RBFOX1: variants seen among roughly 807,000 people sequenced by gnomAD.
The protein encoded by RBFOX1 is RNA binding protein fox-1 homolog 1.
In RBFOX1, 8 loss-of-function variants were observed where a neutral mutation model predicts 57.7. The ratio of observed to expected loss-of-function variants is 0.14; its 90% confidence interval spans 0.08 to 0.25. RBFOX1 has a LOEUF of 0.25. Among genes scored for constraint, RBFOX1 ranks in the 10% least tolerant of loss-of-function variants. The pLI, the probability that RBFOX1 is intolerant of heterozygous loss-of-function variation, is 1.00. For synonymous variants in RBFOX1, 326 were observed against 222.4 expected, an observed-to-expected ratio of 1.47 and a Z score of -4.15; for missense variants, 611 against 548.5, an observed-to-expected ratio of 1.11 and a Z score of -1.14.
intron 1 of RBFOX1, among the ~76,000 whole-genome samples, chr16:6,047,705 A>G (rs1268862137): frequency 1.3e-5 from 2 of 152,220 alleles, no homozygotes; most frequent in African/African-American, 2.4e-5. Context: ...TGATTTAGCT[A>G]CCATGACAGT....
At chr16:7,062,627 G>A (rs1324832657) in intron 4 of RBFOX1, among the ~76,000 whole-genome samples, 1 of 152,190 alleles carries the variant, frequency 6.6e-6, no homozygotes, top group Admixed American at 6.5e-5. Context: ...GCCAACAGAT[G>A]TGGATATGGC....
intron 3 of RBFOX1, among the ~76,000 whole-genome samples, chr16:7,040,617 A>T (rs1269504369): frequency 6.6e-6 from 1 of 151,994 alleles, no homozygotes; most frequent in Non-Finnish European, 1.5e-5. Context: ...TTTTGTCTGA[A>T]GTTTGTTGTT....
Position 6,304,473 on chromosome 16 carries a change from C to T in RBFOX1, c.-126-12522C>T, listed in dbSNP as rs1050502482. Among the ~76,000 whole-genome samples, 5 of 151,980 alleles carry T rather than the reference C, an allele frequency of 3.3e-5. No homozygotes were observed. The East Asian group carries it at 5.8e-4, about 18-fold the overall frequency. ...CTCCAAAGCTACCTGGTATTGCTAACGGAGGAGGAGGACACTTAGAATCTT... is the reference window on the plus strand; with the variant it reads ...CTCCAAAGCTACCTGGTATTGCTAATGGAGGAGGAGGACACTTAGAATCTT... On this transcript the variant is annotated intron_variant, in intron 1 of 15. Transcript: ENST00000550418.
chr16:6,090,749 C>T (rs2096159420), intron 1 of RBFOX1, among the ~76,000 whole-genome samples: 2 of 152,136 alleles, frequency 1.3e-5, no homozygotes, highest in African/African-American at 4.8e-5. Flanking sequence ...TAAACAAATC[C>T]GCTGAATGAC....
intron 1 of RBFOX1, among the ~76,000 whole-genome samples, chr16:6,243,933 C>T (rs937974832): frequency 1.3e-5 from 2 of 152,146 alleles, no homozygotes; most frequent in African/African-American, 4.8e-5. Context: ...GTAAGACACC[C>T]TTCAATGTTT....
intron 3 of RBFOX1, among the ~76,000 whole-genome samples, chr16:6,929,180 C>G (rs1409398824): frequency 1.3e-5 from 2 of 152,126 alleles, no homozygotes; most frequent in African/African-American, 4.8e-5. Flanking sequence ...TCAGAGCAAA[C>G]ACATTCTACT....
At chr16:6,544,612 G>T (rs1046391043) in intron 2 of RBFOX1, among the ~76,000 whole-genome samples, 1 of 152,060 alleles carries the variant, frequency 6.6e-6, no homozygotes, top group Non-Finnish European at 1.5e-5. Context: ...TAACTTCATG[G>T]GTGCATATAA....
chr16:5,566,608 A>T (rs147679108), intron 2 of RBFOX1, among the ~76,000 whole-genome samples: 1 of 151,186 alleles, frequency 6.6e-6, no homozygotes, highest in Non-Finnish European at 1.5e-5. Context: ...ATATATGTGT[A>T]TATATGTATA....
intron 1 of RBFOX1, among the ~76,000 whole-genome samples, chr16:5,358,945 C>T (rs1293951502): frequency 2.0e-5 from 3 of 152,206 alleles, no homozygotes; most frequent in Admixed American, 6.5e-5. Flanking sequence ...TTCCTCCCCA[C>T]CTCTCCCTCC....
chr16:6,597,202 T>C (rs552575422), intron 2 of RBFOX1, among the ~76,000 whole-genome samples: 1 of 152,284 alleles, frequency 6.6e-6, no homozygotes, highest in African/African-American at 2.4e-5. Flanking sequence ...AATCTTCATA[T>C]CTCATCTCCA....
At chr16:5,555,628 T>C (rs775956830) in intron 2 of RBFOX1, among the ~76,000 whole-genome samples, 2 of 152,160 alleles carry the variant, frequency 1.3e-5, no homozygotes, top group Non-Finnish European at 2.9e-5. Flanking sequence ...AAAGTTACCA[T>C]AATCTGGAAC....
At chr16:7,005,200 C>A (rs1307206724) in intron 3 of RBFOX1, among the ~76,000 whole-genome samples, 1 of 144,302 alleles carries the variant, frequency 6.9e-6, no homozygotes, top group Non-Finnish European at 1.5e-5. Context: ...CATATCCTCA[C>A]CTTTTTGTGT....
intron 1 of RBFOX1, among the ~76,000 whole-genome samples, chr16:5,256,499 C>T (rs1406879158): frequency 1.3e-5 from 2 of 152,116 alleles, no homozygotes; most frequent in Non-Finnish European, 2.9e-5. Flanking sequence ...CCCAGGACTG[C>T]TAGGAAGGCA....
intron 5 of RBFOX1, among the ~76,000 whole-genome samples, chr16:7,563,450 T>C (rs1601887977): frequency 6.6e-6 from 1 of 152,176 alleles, no homozygotes; most frequent in African/African-American, 2.4e-5. Context: ...TTATTGCTAT[T>C]GTTATATATA....
rs77503370 is a variant in RBFOX1, at chr16:7,571,392, C to G, written c.271-8385C>G. On this transcript the variant is annotated intron_variant, in intron 5 of 15. Transcript: ENST00000550418. Reference sequence around the variant, plus strand: ...ATGCATTTTCTCTCCAACAGTCATCCCTGGATTGGTCGATATCAAAATCCA... The same window carrying G: ...ATGCATTTTCTCTCCAACAGTCATCGCTGGATTGGTCGATATCAAAATCCA... Among the ~76,000 whole-genome samples, 658 of 152,224 alleles carry G rather than the reference C, an allele frequency of 4.3e-3. 5 individuals carry two copies. The highest frequency in any genetic ancestry group is 7.7e-3 in the Admixed American group (118 of 15,284).
At chr16:7,632,596 C>A (rs1203304382) in intron 11 of RBFOX1, among the ~76,000 whole-genome samples, 1 of 152,192 alleles carries the variant, frequency 6.6e-6, no homozygotes, top group African/African-American at 2.4e-5. Context: ...AATCTGATCG[C>A]TGTACCATTT....
At chr16:5,547,864 A>T (rs1035785573) in intron 2 of RBFOX1, among the ~76,000 whole-genome samples, 1 of 152,076 alleles carries the variant, frequency 6.6e-6, no homozygotes, top group African/African-American at 2.4e-5. Context: ...ATGGACGTAA[A>T]GATGGCAACC....
intron 4 of RBFOX1, among the ~76,000 whole-genome samples, chr16:7,469,052 G>C (rs1489166249): frequency 3.9e-5 from 6 of 151,954 alleles, no homozygotes; most frequent in Non-Finnish European, 4.4e-5. Context: ...TCCTGCCTCA[G>C]CCTCCTGAGT....
At chr16:6,234,102 C>G (rs1324744592) in intron 1 of RBFOX1, among the ~76,000 whole-genome samples, 1 of 152,080 alleles carries the variant, frequency 6.6e-6, no homozygotes, top group African/African-American at 2.4e-5. Flanking sequence ...AGCATTCATC[C>G]CACTCATGAG....
Sources: allele counts gnomAD v4.1 joint callset (sites outside exome capture counted in the v4.1 genomes callset), GRCh38; gene constraint gnomAD v4.1.1; transcripts MANE v1.5; gene names NCBI Gene and HGNC (gene_info 2026-07-23, HGNC 2026-07-21).